The following CCDC150 variants were observed in gnomAD, a reference collection of about 807,000 sequenced individuals.
The protein encoded by CCDC150 is coiled-coil domain containing 150.
Under a neutral mutation model 156.5 loss-of-function variants are expected in CCDC150, and 151 were observed. That is an observed-to-expected ratio of 0.97 (90% CI 0.85 to 1.10). The LOEUF is 1.10. Among genes scored for constraint, CCDC150 ranks in the 50% least tolerant of loss-of-function variants. The probability of loss-of-function intolerance (pLI) is 0.00; values close to 1 mark genes in which losing one functional copy is unlikely to be tolerated. For synonymous variants in CCDC150, 452 were observed against 429.4 expected (o/e 1.05, Z -0.65); for missense variants, 1,312 against 1,268.1 (o/e 1.03, Z -0.53).
At chr2:196,697,273 T>C (rs958884995) in intron 14 of CCDC150, among the ~76,000 whole-genome samples, 4 of 152,186 alleles carry the variant, frequency 2.6e-5, no homozygotes, top group African/African-American at 9.7e-5. Flanking sequence ...TCTCTGCTAT[T>C]TCTTTCATAT....
intron 14 of CCDC150, among the ~76,000 whole-genome samples, chr2:196,697,269 C>A (rs570462869): frequency 6.6e-6 from 1 of 152,164 alleles, no homozygotes; most frequent in Non-Finnish European, 1.5e-5. Context: ...TTATTCTCTG[C>A]TATTTCTTTC....
intron 18 of CCDC150, 152 bp from the exon 19 acceptor site, chr2:196,719,345 T>G (rs1697738134): frequency 1.7e-6 from 1 of 572,940 alleles, no homozygotes; most frequent in African/African-American, 1.9e-5. Context: ...AGAAACCACC[T>G]AAAAATAAAA....
At chr2:196,712,575 A>T in intron 16 of CCDC150, 102 bp from the exon 17 acceptor site, 1 of 741,214 alleles carries the variant, frequency 1.3e-6, no homozygotes, top group Non-Finnish European at 2.3e-6. Flanking sequence ...CATAGGGAGC[A>T]TTATTATGAG....
chr2:196,674,658 GC>G (rs11367548), intron 10 of CCDC150, among the ~76,000 whole-genome samples: 138,122 of 152,126 alleles, frequency 0.91, 62,802 homozygotes, highest in African/African-American at 0.96. Flanking sequence ...CAAACACCTT[GC>G]CGATTTCTCC....
intron 22 of CCDC150, 141 bp downstream of exon 22, chr2:196,726,240 C>T: frequency 1.1e-6 from 1 of 892,144 alleles, no homozygotes; most frequent in East Asian, 2.8e-5. Flanking sequence ...TAAGACCTCT[C>T]TGTAAAGCAA....
At chr2:196,644,841 G>A (rs1692436408) in intron 1 of CCDC150, among the ~76,000 whole-genome samples, 2 of 152,018 alleles carry the variant, frequency 1.3e-5, no homozygotes, top group South Asian at 2.1e-4. Flanking sequence ...TAGGCTGGGC[G>A]TGATGGCTCA....
chr2:196,671,199 T>TA (rs1694179682), intron 8 of CCDC150, among the ~76,000 whole-genome samples: 1 of 152,206 alleles, frequency 6.6e-6, no homozygotes, highest in South Asian at 2.1e-4. Context: ...TTCATTGCTC[T>TA]AAAAATCTTC....
chr2:196,674,326 C>T lies in CCDC150; in HGVS notation c.1115C>T (p.Ala372Val). ...ACTATGGAAAAAGCCAGAATCATTG[C>T]TGACCATCAGGCCATTCTGCAGGTA... ...TVTMEKARII[A>V]DHQAILQVEQ... The change falls in exon 10 of 28, where the codon GCT becomes GTT. Residue 372 changes from alanine (A) to valine (V), a missense_variant. Physicochemically the swap from Ala to Val is moderately conservative, Grantham distance 64. Coordinates refer to ENST00000389175, the MANE Select transcript of CCDC150 (RefSeq NM_001080539.2). The T allele has an allele frequency of 1.2e-6, 2 of 1,601,132 alleles. No individual in the cohort carries two copies. The highest frequency in any genetic ancestry group is 1.7e-6 in the Non-Finnish European group (2 of 1,173,246).
At chr2:196,704,476 G>A (rs1463923281) in intron 15 of CCDC150, among the ~76,000 whole-genome samples, 2 of 152,120 alleles carry the variant, frequency 1.3e-5, no homozygotes, top group African/African-American at 2.4e-5. Context: ...TGGGTTTTAG[G>A]ATGTGCATAT....
At chr2:196,730,828 G>A (rs1698478100) in intron 25 of CCDC150, 31 bp from the exon 26 acceptor site, 2 of 1,517,884 alleles carry the variant, frequency 1.3e-6, no homozygotes, top group Non-Finnish European at 1.8e-6. Context: ...TATGTTGGAA[G>A]TTTATAAAAA....
At chr2:196,719,333 T>A in intron 18 of CCDC150, 164 bp from the exon 19 acceptor site, 3 of 527,966 alleles carry the variant, frequency 5.7e-6, no homozygotes, top group Non-Finnish European at 9.2e-6. Flanking sequence ...AACAATAACT[T>A]AAGAAACCAC....
In CCDC150 at chr2:196,656,667, C is replaced by A; in HGVS notation, c.211C>A (p.Leu71Met). The change falls in exon 3 of 28, where the codon CTG (leucine) becomes ATG (methionine). Residue 71 changes from leucine to methionine, a missense_variant. By Grantham distance (15) the Leu-to-Met change is conservative. Coordinates refer to ENST00000389175, the MANE Select transcript of CCDC150 (RefSeq NM_001080539.2). ...YLEAPDCLED[L>M]DSQKVISPIQ... ...GGAAGCTCCAGACTGTTTAGAAGAC[C>A]TGGACAGCCAGAAAGTCATTAGTCC... 1 of 1,612,466 alleles carries A rather than the reference C, an allele frequency of 6.2e-7. No individual in the cohort carries two copies. Among genetic ancestry groups the A allele is most frequent in the Non-Finnish European group, 8.5e-7 (1 of 1,179,202 alleles).
At chr2:196,730,615 C>T (rs1039404333) in intron 25 of CCDC150, among the ~76,000 whole-genome samples, 2 of 152,178 alleles carry the variant, frequency 1.3e-5, no homozygotes, top group Non-Finnish European at 1.5e-5. Flanking sequence ...AGATATTAAT[C>T]ACTGTCCTCA....
At chr2:196,677,877 C>T (rs1421063405) in intron 13 of CCDC150, among the ~76,000 whole-genome samples, 1 of 152,034 alleles carries the variant, frequency 6.6e-6, no homozygotes, top group East Asian at 1.9e-4. Context: ...GTAATCCCAG[C>T]TACTCGGGAG....
intron 13 of CCDC150, among the ~76,000 whole-genome samples, chr2:196,691,660 G>A (rs1336646239): frequency 2.6e-5 from 4 of 151,322 alleles, no homozygotes; most frequent in Non-Finnish European, 4.4e-5. Flanking sequence ...AACAGCTCCC[G>A]GGCTGGACAC....
intron 1 of CCDC150, among the ~76,000 whole-genome samples, chr2:196,641,579 TAAAC>T (rs1454790341): frequency 6.6e-6 from 1 of 152,198 alleles, no homozygotes; most frequent in South Asian, 2.1e-4. Context: ...TTATCACCAA[TAAAC>T]AAACTATGTA....
chr2:196,732,216 C>T, intron 27 of CCDC150, 64 bp downstream of exon 27: 1 of 1,565,094 alleles, frequency 6.4e-7, no homozygotes, highest in Non-Finnish European at 8.8e-7. Flanking sequence ...TTTCTAATTA[C>T]CGAAGTTCTC....
intron 13 of CCDC150, among the ~76,000 whole-genome samples, chr2:196,684,298 C>CT (rs1695005594): frequency 6.6e-6 from 1 of 151,972 alleles, no homozygotes. Context: ...CTTGAGATTT[C>CT]TTTTTTGACC....
intron 1 of CCDC150, among the ~76,000 whole-genome samples, chr2:196,644,960 C>A (rs1026681823): frequency 5.3e-4 from 76 of 144,342 alleles, no homozygotes; most frequent in East Asian, 3.5e-3. Flanking sequence ...ACTAAAAATA[C>A]AAAAAAAAAA....
Sources: gnomAD v4.1 joint callset for allele counts (sites outside exome capture counted in the v4.1 genomes callset) on GRCh38, gnomAD v4.1.1 for gene constraint, MANE v1.5 for transcripts, NCBI Gene and HGNC (gene_info 2026-07-23, HGNC 2026-07-21) for gene names.